The following NPAS2 variants were observed in gnomAD, a reference collection of about 807,000 sequenced individuals.
NPAS2 encodes neuronal PAS domain-containing protein 2.
A neutral mutation model predicts 107.5 loss-of-function variants in NPAS2; 23 were observed. The ratio of observed to expected loss-of-function variants is 0.21; its 90% CI spans 0.15 to 0.30. NPAS2 has a LOEUF of 0.30. Among genes scored for constraint, NPAS2 ranks in the 10% least tolerant of loss-of-function variants. The probability of loss-of-function intolerance (pLI) is 1.00; values close to 1 mark genes in which losing one functional copy is unlikely to be tolerated. For synonymous variants in NPAS2, 403 were observed against 417.5 expected (o/e 0.97, Z 0.42); for missense variants, 756 against 1,043.3 (o/e 0.72, Z 3.79).
chr2:100,950,836 C>T (rs932736201), intron 7 of NPAS2, among the ~76,000 whole-genome samples: 1 of 152,166 alleles, frequency 6.6e-6, no homozygotes, highest in Non-Finnish European at 1.5e-5. Flanking sequence ...AGGCCAAGGC[C>T]TAACCATGCC....
At chr2:100,889,759 G>A (rs1465550022) in intron 1 of NPAS2, among the ~76,000 whole-genome samples, 1 of 152,164 alleles carries the variant, frequency 6.6e-6, no homozygotes, top group African/African-American at 2.4e-5. Flanking sequence ...AGGGTTTTCA[G>A]ACAACTCAGA....
chr2:100,832,357 C>T (rs751983033), intron 1 of NPAS2, among the ~76,000 whole-genome samples: 1 of 152,192 alleles, frequency 6.6e-6, no homozygotes, highest in Non-Finnish European at 1.5e-5. Context: ...CTGCTCCAAG[C>T]GCTTACCTGA....
chr2:100,924,808 A>G (rs13026599), intron 2 of NPAS2, among the ~76,000 whole-genome samples: 21,765 of 152,282 alleles, frequency 0.14, 1,754 homozygotes, highest in Middle Eastern at 0.18. Flanking sequence ...CTCCGAGCAC[A>G]GCCATCTCAG....
At position 100,936,000 on chromosome 2, in the gene NPAS2, CA is replaced by C. The variant is rs1194972703; in HGVS notation, c.274-1748del. On this transcript the variant is annotated intron_variant, in intron 4 of 20. Transcript: ENST00000335681. Reference sequence around the variant, plus strand: ...AGTCACCCACTCCAGTGGTGACAATCAAAAATGCCTCCAGACATTACCAAAA... The same window carrying C: ...AGTCACCCACTCCAGTGGTGACAATCAAAATGCCTCCAGACATTACCAAAA... Among the ~76,000 whole-genome samples, 15 of 152,250 alleles carry C rather than the reference CA, an allele frequency of 9.9e-5. No individual in the cohort carries two copies. In the East Asian group the frequency reaches 2.9e-3, roughly 29 times the overall value.
chr2:100,914,035 T>C (rs1682715620), intron 2 of NPAS2, among the ~76,000 whole-genome samples: 1 of 152,156 alleles, frequency 6.6e-6, no homozygotes, highest in South Asian at 2.1e-4. Context: ...CACACCTGTA[T>C]CATCTCTTCA....
intron 3 of NPAS2, among the ~76,000 whole-genome samples, chr2:100,925,939 C>A (rs1683533032): frequency 6.6e-6 from 1 of 152,138 alleles, no homozygotes; most frequent in South Asian, 2.1e-4. Context: ...CCATCATTTC[C>A]CATTCTTCCC....
chr2:100,934,314 C>CTT (rs11380504), intron 4 of NPAS2, among the ~76,000 whole-genome samples: 30 of 147,368 alleles, frequency 2.0e-4, no homozygotes, highest in East Asian at 9.9e-4. Context: ...GTAGCACAAC[C>CTT]TTTTTTTTTT....
intron 1 of NPAS2, among the ~76,000 whole-genome samples, chr2:100,866,510 G>T (rs1202273143): frequency 6.6e-6 from 1 of 152,170 alleles, no homozygotes; most frequent in African/African-American, 2.4e-5. Flanking sequence ...CGCAGATGTT[G>T]GGTGCTTTCT....
At chr2:100,943,494 A>C (rs141028918) in intron 5 of NPAS2, among the ~76,000 whole-genome samples, 1 of 152,224 alleles carries the variant, frequency 6.6e-6, no homozygotes, top group Non-Finnish European at 1.5e-5. Flanking sequence ...GGTAATGCGG[A>C]TGTCTGAAGA....
intron 2 of NPAS2, among the ~76,000 whole-genome samples, chr2:100,922,295 C>A (rs1270340261): frequency 6.6e-6 from 1 of 152,116 alleles, no homozygotes; most frequent in Non-Finnish European, 1.5e-5. Flanking sequence ...AACTCCAAAG[C>A]CTGGCCAGGC....
chr2:100,955,243 A>G (rs4851390), intron 7 of NPAS2, among the ~76,000 whole-genome samples: 36,945 of 152,028 alleles, frequency 0.24, 4,911 homozygotes, highest in East Asian at 0.46. Flanking sequence ...CAGTTTAGTT[A>G]GTGGAGTGTT....
chr2:100,841,993 A>G (rs1281269232), intron 1 of NPAS2, among the ~76,000 whole-genome samples: 1 of 152,180 alleles, frequency 6.6e-6, no homozygotes, highest in African/African-American at 2.4e-5. Context: ...CCACATATGC[A>G]TTCACACAGT....
intron 7 of NPAS2, among the ~76,000 whole-genome samples, chr2:100,957,853 G>A (rs1044178256): frequency 3.9e-5 from 6 of 152,170 alleles, no homozygotes; most frequent in East Asian, 1.9e-4. Flanking sequence ...GCGTGAACCC[G>A]GGAGGCGGAG....
intron 1 of NPAS2, chr2:100,878,339 A>G (rs1208954823): frequency 2.0e-6 from 2 of 985,310 alleles, no homozygotes; most frequent in African/African-American, 3.5e-5. Context: ...GCAGGCCAGG[A>G]GGAGACTGTC....
chr2:100,969,111 A>C (rs1023488784), intron 11 of NPAS2, among the ~76,000 whole-genome samples: 1 of 152,160 alleles, frequency 6.6e-6, no homozygotes, highest in Non-Finnish European at 1.5e-5. Flanking sequence ...ATTAGTTTTA[A>C]GCTGGCCTAC....
chr2:100,970,139 C>T (rs1676453301), intron 11 of NPAS2, among the ~76,000 whole-genome samples: 1 of 152,190 alleles, frequency 6.6e-6, no homozygotes, highest in African/African-American at 2.4e-5. Context: ...GGGCGTGCAG[C>T]AGCAGTGGTC....
chr2:100,896,782 AG>A (rs1216623274), intron 1 of NPAS2, among the ~76,000 whole-genome samples: 1 of 152,176 alleles, frequency 6.6e-6, no homozygotes, highest in African/African-American at 2.4e-5. Flanking sequence ...ACAGGAATTC[AG>A]ATGGGGGTTT....
intron 5 of NPAS2, among the ~76,000 whole-genome samples, chr2:100,942,840 A>G (rs980549479): frequency 1.3e-5 from 2 of 152,178 alleles, no homozygotes; most frequent in Admixed American, 6.5e-5. Context: ...AATCATTGAA[A>G]ATGGACTCTT....
intron 1 of NPAS2, among the ~76,000 whole-genome samples, chr2:100,899,130 C>G (rs1681612652): frequency 6.6e-6 from 1 of 151,938 alleles, no homozygotes; most frequent in South Asian, 2.1e-4. Context: ...ACAAAGCGTG[C>G]TGGGGTGTCC....
Sources: allele counts gnomAD v4.1 joint callset (sites outside exome capture counted in the v4.1 genomes callset), GRCh38; gene constraint gnomAD v4.1.1; transcripts MANE v1.5; gene names NCBI Gene and HGNC (gene_info 2026-07-23, HGNC 2026-07-21).